The following BICRAL variants were observed in gnomAD, a reference collection of about 807,000 sequenced individuals.
The protein encoded by BICRAL is BRD4-interacting chromatin-remodeling complex-associated protein-like.
A neutral mutation model predicts 91.8 loss-of-function variants in BICRAL; 8 were observed. That is an observed-to-expected ratio of 0.09 (90% CI 0.05 to 0.16). The LOEUF is 0.16. Ranked by LOEUF, BICRAL falls within the 10% of genes least tolerant of loss-of-function variation. The pLI, the probability that BICRAL is intolerant of heterozygous loss-of-function variation, is 1.00. For missense variants in BICRAL, 1,038 were observed against 1,310.9 expected, an observed-to-expected ratio of 0.79 and a Z score of 3.21; for synonymous variants, 445 against 491.1, an observed-to-expected ratio of 0.91 and a Z score of 1.24.
chr6:42,843,102 G>T (rs1169439195), intron 6 of BICRAL, among the ~76,000 whole-genome samples: 1 of 152,064 alleles, frequency 6.6e-6, no homozygotes, highest in Non-Finnish European at 1.5e-5. Flanking sequence ...TGATCTGCCT[G>T]CCTCGGCCTC....
At chr6:42,832,908 C>T (rs1050122000) in intron 6 of BICRAL, among the ~76,000 whole-genome samples, 1 of 152,122 alleles carries the variant, frequency 6.6e-6, no homozygotes, top group African/African-American at 2.4e-5. Flanking sequence ...AATACTATAA[C>T]TAATCTGCAG....
At position 42,864,733 on chromosome 6, in the gene BICRAL, G is replaced by A; in HGVS notation, c.2527G>A (p.Asp843Asn). 6.2e-7 allele frequency: 1 copy of A among 1,614,152 alleles called. No homozygotes were observed. Among genetic ancestry groups the A allele is most frequent in the Non-Finnish European group, 8.5e-7 (1 of 1,180,024 alleles). Residue 843 changes from aspartate (D) to asparagine (N), a missense_variant, in exon 13 of 13, where the codon GAC (aspartate) becomes AAC (asparagine). By Grantham distance (23) the Asp-to-Asn change is conservative (BLOSUM62 1). This residue lies in a region of BICRAL where 294 missense variants were observed against 292.6 expected (regional missense o/e 1.00). Transcript: ENST00000314073. ...TCATGAGACACAGTTTGGCCGGAGT[G>A]ACCAGCATGGCAGTAAAGCAAGCAG... The part of the protein sequence containing the change: ...AAHETQFGRS[D>N]QHGSKASSSL...
chr6:42,787,685 A>G lies in BICRAL; in HGVS notation c.-102+5584A>G, dbSNP rs374607191. ...TCAAATGCTGCTGAGAAGTTACACA[A>G]TGAGAATAGAGAAATGTCTATTTGG... On this transcript the variant is annotated intron_variant, in intron 1 of 12. Transcript: ENST00000314073. Among the ~76,000 whole-genome samples the G allele has an allele frequency of 7.2e-5, 11 of 152,200 alleles. No individual in the cohort carries two copies. In the East Asian group the frequency reaches 1.5e-3, roughly 21 times the overall value.
At chr6:42,783,346 G>A (rs897836493) in intron 1 of BICRAL, among the ~76,000 whole-genome samples, 12 of 152,178 alleles carry the variant, frequency 7.9e-5, no homozygotes, top group Non-Finnish European at 1.2e-4. Context: ...ATGTGCGGCT[G>A]GGACGGCGCA....
intron 2 of BICRAL, among the ~76,000 whole-genome samples, chr6:42,812,650 CA>C (rs1356241565): frequency 6.6e-6 from 1 of 151,936 alleles, no homozygotes; most frequent in Non-Finnish European, 1.5e-5. Context: ...ATGGGATTAA[CA>C]GAAGATTAGA....
chr6:42,844,514 A>G (rs1764928389), intron 6 of BICRAL, among the ~76,000 whole-genome samples: 1 of 81,792 alleles, frequency 1.2e-5, no homozygotes, highest in East Asian at 3.5e-4. Context: ...ATCTCAAAAA[A>G]AAAAAAAAAA....
intron 6 of BICRAL, among the ~76,000 whole-genome samples, chr6:42,837,629 G>A (rs1348519883): frequency 8.6e-5 from 13 of 151,828 alleles, no homozygotes; most frequent in Admixed American, 3.9e-4. Flanking sequence ...GCAGGCGCCT[G>A]TAGTCCCAAC....
chr6:42,784,848 T>C (rs1462751982), intron 1 of BICRAL, among the ~76,000 whole-genome samples: 1 of 152,194 alleles, frequency 6.6e-6, no homozygotes, highest in Non-Finnish European at 1.5e-5. Flanking sequence ...CTCCAACTTC[T>C]TGATGTTCAA....
intron 6 of BICRAL, among the ~76,000 whole-genome samples, chr6:42,844,504 A>G (rs1469774116): frequency 1.8e-5 from 2 of 110,646 alleles, no homozygotes; most frequent in Non-Finnish European, 1.7e-5. Context: ...GCAAGACTCC[A>G]TCTCAAAAAA....
intron 5 of BICRAL, among the ~76,000 whole-genome samples, chr6:42,825,797 A>T (rs557171896): frequency 3.1e-4 from 46 of 148,562 alleles, no homozygotes; most frequent in Non-Finnish European, 3.0e-4. Context: ...TTCTATTAAG[A>T]TACATATTTT....
At chr6:42,812,726 C>T (rs894238921) in intron 2 of BICRAL, among the ~76,000 whole-genome samples, 8 of 151,862 alleles carry the variant, frequency 5.3e-5, no homozygotes, top group Middle Eastern at 3.4e-3. Context: ...AAATGAAAGC[C>T]GGAGAGATTA....
rs75651354 is a variant in BICRAL, at chr6:42,747,736, C to T, written c.-261+713C>T. Among the ~76,000 whole-genome samples the T allele has an allele frequency of 7.5e-3, 1,133 of 151,440 alleles. 14 individuals are homozygous for T. The highest frequency in any genetic ancestry group is 0.027 in the African/African-American group (1,096 of 41,304). ...GGTGCTTACTCTTGTGCATAGTCAT[C>T]GTTTTCACTAGTCTTGTTTTATGGG... is the stretch of plus-strand genomic sequence containing the variant. On this transcript the variant is annotated intron_variant, in intron 1 of 14. Coordinates refer to the BICRAL transcript ENST00000614467.
At chr6:42,860,898 G>A (rs987540949) in intron 11 of BICRAL, among the ~76,000 whole-genome samples, 1 of 152,200 alleles carries the variant, frequency 6.6e-6, no homozygotes, top group Non-Finnish European at 1.5e-5. Context: ...AGGCCAAGGC[G>A]GGTGGATCAC....
chr6:42,767,354 G>A (rs1762651424), intron 1 of BICRAL, among the ~76,000 whole-genome samples: 1 of 152,084 alleles, frequency 6.6e-6, no homozygotes, highest in African/African-American at 2.4e-5. Context: ...TCATGTAAAA[G>A]TTTTTTTGTA....
intron 11 of BICRAL, 118 bp downstream of exon 11, chr6:42,860,474 A>T: frequency 3.2e-6 from 2 of 620,546 alleles, no homozygotes; most frequent in South Asian, 3.8e-5. Flanking sequence ...GATATTTCAC[A>T]CTGTAGAAAA....
intron 6 of BICRAL, among the ~76,000 whole-genome samples, chr6:42,836,924 G>A (rs551147538): frequency 7.1e-6 from 1 of 141,306 alleles, no homozygotes; most frequent in Non-Finnish European, 1.5e-5. Context: ...CTGGTCCTCT[G>A]TGTAGTTTCT....
chr6:42,853,237 TA>T lies in BICRAL; in HGVS notation c.1946-390del, dbSNP rs1277315271. ...ACATCTGCAGTACCCAATTAGTACT[TA>T]AAAAAAAAAAGGCAAGAAAGAGAAA... On this transcript the variant is annotated intron_variant, in intron 7 of 12. Coordinates refer to ENST00000314073, the MANE Select transcript of BICRAL (RefSeq NM_001393499.1). Among the ~76,000 whole-genome samples the T allele has an allele frequency of 2.2e-3, 323 of 145,180 alleles. 1 individual carries two copies. The highest frequency in any genetic ancestry group is 0.012 in the South Asian group (53 of 4,568).
intron 2 of BICRAL, among the ~76,000 whole-genome samples, chr6:42,816,790 G>A (rs1432894658): frequency 2.3e-4 from 35 of 152,076 alleles, no homozygotes; most frequent in Non-Finnish European, 8.8e-5. Flanking sequence ...CGAGGCGGGC[G>A]GATCACGAGG....
chr6:42,808,541 A>G (rs1284854044), intron 1 of BICRAL, among the ~76,000 whole-genome samples: 1 of 152,154 alleles, frequency 6.6e-6, no homozygotes, highest in Non-Finnish European at 1.5e-5. Context: ...CAGATTCACC[A>G]TTGTTGATGA....
Sources: allele counts gnomAD v4.1 joint callset (sites outside exome capture counted in the v4.1 genomes callset), GRCh38; gene constraint gnomAD v4.1.1; regional missense constraint gnomAD v4.1.1; transcripts MANE v1.5; gene names NCBI Gene and HGNC (gene_info 2026-07-23, HGNC 2026-07-21).